The following RBMS1 variants were observed in gnomAD, a reference collection of about 807,000 sequenced individuals.
RBMS1 encodes RNA-binding motif, single-stranded-interacting protein 1.
Under a neutral mutation model 62.3 loss-of-function variants are expected in RBMS1, and 17 were observed. The observed-to-expected ratio is 0.27, with a 90% confidence interval of 0.19 to 0.41. The LOEUF (loss-of-function observed/expected upper bound fraction) is 0.41, where lower values mean the gene tolerates loss of function less well. Ranked by LOEUF, RBMS1 falls within the 10% of genes least tolerant of loss-of-function variation. The pLI is 1.00. For missense variants in RBMS1, 334 were observed against 504.5 expected (o/e 0.66, Z 3.24); for synonymous variants, 172 against 170.0 (o/e 1.01, Z -0.09).
At chr2:160,290,275 G>T (rs73969142) in intron 6 of RBMS1, among the ~76,000 whole-genome samples, 1,810 of 151,144 alleles carry the variant, frequency 0.012, 39 homozygotes, top group African/African-American at 0.042. Context: ...GAGAGATACC[G>T]GAAGACTGAC....
rs1688284205 is a variant in RBMS1, at chr2:160,284,853, T to C, written c.822A>G (p.Pro274=). 1.0e-5 allele frequency: 16 copies of C among 1,605,450 alleles called. No individual in the cohort carries two copies. The highest frequency in any genetic ancestry group is 3.3e-5 in the Admixed American group (2 of 59,778). ...AAIQNGFYPS[P]YSIATNRMIT... is the part of the protein sequence containing the mutation. The stretch of plus-strand genomic sequence containing the variant: ...TCATTCGGTTTGTAGCAATACTGTA[T>C]GGTGAAGGATAAAATCTAGAACAAA... Residue 274 remains proline, a synonymous_variant, in exon 9 of 14, where the codon CCA becomes CCG. Transcript: ENST00000348849.
intron 7 of RBMS1, among the ~76,000 whole-genome samples, chr2:160,286,303 CTT>C (rs1221643184): frequency 1.6e-5 from 2 of 122,460 alleles, no homozygotes; most frequent in Admixed American, 1.6e-4. Context: ...TTCTTCCTTT[CTT>C]TTTTTTTTTT....
chr2:160,442,183 T>C (rs1220879956), intron 1 of RBMS1, among the ~76,000 whole-genome samples: 3 of 152,258 alleles, frequency 2.0e-5, no homozygotes, highest in Admixed American at 6.5e-5. Flanking sequence ...TTTTTGTTTA[T>C]GATCTGTGCT....
chr2:160,326,924 G>C (rs78454389), intron 2 of RBMS1, among the ~76,000 whole-genome samples: 37 of 152,262 alleles, frequency 2.4e-4, no homozygotes, highest in Admixed American at 1.2e-3. Context: ...TGGGGAAAAA[G>C]AATCACAAAG....
chr2:160,396,480 C>T (rs1041960865), intron 1 of RBMS1, among the ~76,000 whole-genome samples: 6 of 151,132 alleles, frequency 4.0e-5, no homozygotes, highest in African/African-American at 1.5e-4. Context: ...ACCTTCAAGG[C>T]TTTTACCTCA....
intron 1 of RBMS1, among the ~76,000 whole-genome samples, chr2:160,470,709 G>A (rs1684880925): frequency 6.6e-6 from 1 of 152,068 alleles, no homozygotes; most frequent in Non-Finnish European, 1.5e-5. Flanking sequence ...GTTAATGTCT[G>A]TTTACTATAT....
chr2:160,363,260 A>G (rs1056924041), intron 2 of RBMS1, among the ~76,000 whole-genome samples: 1 of 152,214 alleles, frequency 6.6e-6, no homozygotes, highest in Non-Finnish European at 1.5e-5. Flanking sequence ...GTTTAAGATG[A>G]TACGCTGTTA....
intron 2 of RBMS1, among the ~76,000 whole-genome samples, chr2:160,326,104 G>A (rs763515148): frequency 6.6e-6 from 1 of 152,122 alleles, no homozygotes; most frequent in Non-Finnish European, 1.5e-5. Context: ...AGAATGCTTG[G>A]CAAGAAAAGC....
Position 160,479,476 on chromosome 2 carries a change from G to A in RBMS1, c.75+13813C>T, listed in dbSNP as rs551929138. Among the ~76,000 whole-genome samples the A allele has an allele frequency of 4.9e-4, 75 of 152,350 alleles. 1 individual carries two copies. The highest frequency in any genetic ancestry group is 1.7e-3 in the African/African-American group (71 of 41,588). On this transcript the variant is annotated intron_variant, in intron 1 of 13. Transcript: ENST00000348849. ...GACAGAGTGACCATTACTGATTCCT[G>A]TTCAGACACCAGCTGGTGCCACTGG...
intron 1 of RBMS1, among the ~76,000 whole-genome samples, chr2:160,476,441 CT>C (rs1685131066): frequency 6.6e-6 from 1 of 151,690 alleles, no homozygotes; most frequent in South Asian, 2.1e-4. Context: ...TCATATTCCT[CT>C]TTATCATGTT....
chr2:160,277,490 G>T, intron 11 of RBMS1, 107 bp from the exon 12 acceptor site: 2 of 810,644 alleles, frequency 2.5e-6, no homozygotes, highest in Non-Finnish European at 4.1e-6. Flanking sequence ...TCTCAAAGAA[G>T]AAATTTAAAT....
chr2:160,314,840 T>C (rs1690122188), intron 3 of RBMS1, among the ~76,000 whole-genome samples: 1 of 152,114 alleles, frequency 6.6e-6, no homozygotes, highest in Non-Finnish European at 1.5e-5. Flanking sequence ...GTTAAACATA[T>C]CTTGGATGTT....
At chr2:160,369,271 G>A (rs1479192875) in intron 1 of RBMS1, among the ~76,000 whole-genome samples, 3 of 151,996 alleles carry the variant, frequency 2.0e-5, no homozygotes, top group African/African-American at 7.3e-5. Flanking sequence ...TTTTCTCTAG[G>A]GGCTAACTAC....
chr2:160,493,461 G>A lies in RBMS1; in HGVS notation c.-98C>T, dbSNP rs1024713446. 42 of 864,684 alleles carry A rather than the reference G, an allele frequency of 4.9e-5. No individual in the cohort carries two copies. Among genetic ancestry groups the A allele is most frequent in the Middle Eastern group, 2.5e-4 (1 of 4,036 alleles). 53.6% of individuals were successfully genotyped at this position (864,684 alleles called of 1,614,324 possible). A position where few individuals can be genotyped will look rare whatever the true frequency, so the allele number is the denominator to read the frequency against. Reference sequence around the variant, plus strand: ...CTCCCTTTCCGGCGGCGGCGGCAGCGGCGGCGGCGGCGGCGGCTGCTGCTG... The same window carrying A: ...CTCCCTTTCCGGCGGCGGCGGCAGCAGCGGCGGCGGCGGCGGCTGCTGCTG... On this transcript the variant is annotated 5_prime_UTR_variant, in exon 1 of 14. Transcript: ENST00000348849.
intron 1 of RBMS1, among the ~76,000 whole-genome samples, chr2:160,373,577 A>G (rs547260386): frequency 2.0e-5 from 3 of 152,318 alleles, no homozygotes; most frequent in African/African-American, 7.2e-5. Flanking sequence ...GAAACACACA[A>G]GAGTTTTTGT....
intron 2 of RBMS1, among the ~76,000 whole-genome samples, chr2:160,351,191 G>C (rs576295202): frequency 2.0e-5 from 3 of 150,580 alleles, no homozygotes; most frequent in South Asian, 2.1e-4. Context: ...TAGGGGGAGG[G>C]GGGAGGGAAT....
intron 1 of RBMS1, among the ~76,000 whole-genome samples, chr2:160,434,211 G>A (rs58888348): frequency 7.2e-4 from 109 of 152,270 alleles, no homozygotes; most frequent in African/African-American, 2.5e-3. Context: ...AAAAACTGTA[G>A]TCACTAGTTC....
intron 2 of RBMS1, among the ~76,000 whole-genome samples, chr2:160,337,118 G>A (rs962124383): frequency 1.3e-5 from 2 of 148,724 alleles, no homozygotes; most frequent in Non-Finnish European, 3.0e-5. Context: ...TTTTCTTTTC[G>A]TTTTTCTTTT....
chr2:160,476,164 T>A (rs1161596364), intron 1 of RBMS1, among the ~76,000 whole-genome samples: 1 of 152,030 alleles, frequency 6.6e-6, no homozygotes, highest in Non-Finnish European at 1.5e-5. Flanking sequence ...GTCCACCGCC[T>A]CCCTTTTCTA....
Sources: allele counts gnomAD v4.1 joint callset (sites outside exome capture counted in the v4.1 genomes callset), GRCh38; gene constraint gnomAD v4.1.1; transcripts MANE v1.5; gene names NCBI Gene and HGNC (gene_info 2026-07-23, HGNC 2026-07-21).